The following CYLD variants were observed in gnomAD, a reference collection of about 807,000 sequenced individuals.
CYLD encodes the protein ubiquitin carboxyl-terminal hydrolase CYLD.
In CYLD, 26 loss-of-function variants were observed where a neutral mutation model predicts 104.5. The observed-to-expected ratio is 0.25, with a 90% CI of 0.18 to 0.35. The LOEUF is 0.35. CYLD is among the 10% of genes least tolerant of loss of function. The probability of loss-of-function intolerance (pLI) is 1.00; values close to 1 mark genes in which losing one functional copy is unlikely to be tolerated. For synonymous variants in CYLD, 385 were observed against 399.9 expected (o/e 0.96, Z 0.45); for missense variants, 703 against 1,136.1 (o/e 0.62, Z 5.48).
intron 2 of CYLD, among the ~76,000 whole-genome samples, chr16:50,746,471 T>C (rs1966205322): frequency 6.6e-6 from 1 of 152,264 alleles, no homozygotes; most frequent in African/African-American, 2.4e-5. Flanking sequence ...AAACTTGTTC[T>C]TAATATATTC....
Position 50,793,560 on chromosome 16 carries a change from C to T in CYLD, c.2365C>T (p.Arg789Trp), listed in dbSNP as rs1165672681. The change falls in exon 17 of 19, where the codon CGG (arginine) becomes TGG (tryptophan). Residue 789 changes from arginine (R) to tryptophan (W), a missense_variant. By Grantham distance (101) the Arg-to-Trp change is moderately radical. Coordinates refer to ENST00000427738, the MANE Select transcript of CYLD (RefSeq NM_001378743.1). Reference protein sequence around the residue: ...DLLEDTPRQCRICGGLAMYEC... With the variant: ...DLLEDTPRQCWICGGLAMYEC... The stretch of plus-strand genomic sequence containing the variant: ...TCACATTTCAGCTCCCAGACAGTGC[C>T]GGATATGTGGAGGGCTTGCAATGTA... The T allele has an allele frequency of 6.2e-6, 10 of 1,612,148 alleles. No individual in the cohort carries two copies. Among genetic ancestry groups the T allele is most frequent in the East Asian group, 2.2e-5 (1 of 44,868 alleles).
chr16:50,775,182 T>C lies in CYLD; in HGVS notation c.922+8T>C, dbSNP rs201415355. The C allele has an allele frequency of 2.5e-5, 40 of 1,596,034 alleles. No homozygotes were observed. The highest frequency in any genetic ancestry group is 5.9e-6 in the Non-Finnish European group (7 of 1,177,334). ...GACACACAGCTTTATCAGGTATGAC[T>C]CCTAAGTGTCGTGTTGGACTCCACG... On this transcript the variant is annotated splice_region_variant and intron_variant, in intron 6 of 18. Transcript: ENST00000427738.
chr16:50,752,839 C>G (rs866082048), intron 4 of CYLD, among the ~76,000 whole-genome samples: 2 of 152,206 alleles, frequency 1.3e-5, no homozygotes, highest in Middle Eastern at 6.8e-3. Flanking sequence ...TGGATCCATT[C>G]CAGTGTGGTT....
intron 5 of CYLD, among the ~76,000 whole-genome samples, chr16:50,760,927 A>G (rs1007184057): frequency 1.3e-5 from 2 of 152,192 alleles, no homozygotes; most frequent in African/African-American, 4.8e-5. Flanking sequence ...ACAAGGGGGA[A>G]CTTATAGCTT....
At chr16:50,771,984 A>G (rs888589680) in intron 5 of CYLD, among the ~76,000 whole-genome samples, 9 of 152,192 alleles carry the variant, frequency 5.9e-5, no homozygotes, top group Admixed American at 5.2e-4. Context: ...GCAATCTATT[A>G]AACTAATTCC....
chr16:50,783,980 G>C, intron 11 of CYLD: 1 of 311,026 alleles, frequency 3.2e-6, no homozygotes, highest in Non-Finnish European at 6.2e-6. Context: ...GTCCTCTGTT[G>C]TCTGTTTGTA....
rs1217889365 is a variant in CYLD at position 50,800,897 on chromosome 16, G to A, written c.*4389G>A. The A allele has an allele frequency of 1.3e-5, 3 of 233,288 alleles. No individual in the cohort carries two copies. Among genetic ancestry groups the A allele is most frequent in the Admixed American group, 1.1e-4 (2 of 17,778 alleles). 14.5% of individuals were successfully genotyped at this position (233,288 alleles called of 1,614,324 possible). A position where few individuals can be genotyped will look rare whatever the true frequency, so the allele number is the denominator to read the frequency against. On this transcript the variant is annotated 3_prime_UTR_variant, in exon 19 of 19. Coordinates refer to ENST00000427738, the MANE Select transcript of CYLD (RefSeq NM_001378743.1). Reference sequence around the variant, plus strand: ...GGTGAGGAGTCGGGGAGGAGAAAGCGATGTTAAAATGAAAACTCACTGCAA... The same window carrying A: ...GGTGAGGAGTCGGGGAGGAGAAAGCAATGTTAAAATGAAAACTCACTGCAA...
chr16:50,786,692 G>A (rs993124959), intron 12 of CYLD, 163 bp from the exon 13 acceptor site: 9 of 574,386 alleles, frequency 1.6e-5, no homozygotes, highest in East Asian at 3.0e-5. Flanking sequence ...CCTGGAAGGC[G>A]GAGGTTGCAG....
chr16:50,745,564 T>TC (rs1193814107), intron 2 of CYLD, among the ~76,000 whole-genome samples: 1 of 151,766 alleles, frequency 6.6e-6, no homozygotes, highest in East Asian at 1.9e-4. Flanking sequence ...TCTTTTTTTT[T>TC]CTTCCTTTTG....
chr16:50,742,838 A>G lies in CYLD; in HGVS notation c.-127A>G, dbSNP rs1170830841. The stretch of plus-strand genomic sequence containing the variant: ...TAGTTGAAAGGTGCGCCCTGCTGTG[A>G]CAGGTATTCTTTCTTTATGTTTTTC... On this transcript the variant is annotated 5_prime_UTR_variant, in exon 2 of 19. Transcript: ENST00000427738. The G allele has an allele frequency of 4.3e-5, 14 of 325,120 alleles. No homozygotes were observed. The highest frequency in any genetic ancestry group is 1.1e-5 in the Non-Finnish European group (2 of 184,442). 20.1% of individuals were successfully genotyped at this position (325,120 alleles called of 1,614,324 possible). A position where few individuals can be genotyped will look rare whatever the true frequency, so the allele number is the denominator to read the frequency against.
chr16:50,794,146 T>C lies in CYLD; in HGVS notation c.2470-66T>C, dbSNP rs1971732622. On this transcript the variant is annotated intron_variant, in intron 17 of 18. Coordinates refer to ENST00000427738, the MANE Select transcript of CYLD (RefSeq NM_001378743.1). The surrounding 1 kb of genome is among the most constrained non-coding windows in gnomAD (Gnocchi z 4.1). ...TTTCACCATCTTGATCAGGCTGGTCTTGAACTCCTGACCTCGTGATCCACC... is the reference window on the plus strand; with the variant it reads ...TTTCACCATCTTGATCAGGCTGGTCCTGAACTCCTGACCTCGTGATCCACC... The C allele has an allele frequency of 4.9e-6, 7 of 1,428,928 alleles. No individual in the cohort carries two copies. In the East Asian group the frequency reaches 1.6e-4, roughly 32 times the overall value. The allele number at this position is 1,428,928 out of a possible 1,614,324, so 88.5% of individuals were successfully genotyped here.
chr16:50,766,801 C>G (rs2150956796), intron 5 of CYLD, among the ~76,000 whole-genome samples: 1 of 152,230 alleles, frequency 6.6e-6, no homozygotes, highest in East Asian at 1.9e-4. Flanking sequence ...AGAGGTGGAG[C>G]CTGAAAATGT....
intron 14 of CYLD, among the ~76,000 whole-genome samples, chr16:50,789,288 T>G (rs1158410725): frequency 6.6e-6 from 1 of 152,222 alleles, no homozygotes; most frequent in Admixed American, 6.5e-5. Flanking sequence ...GTAGGAAACC[T>G]AGAAGGCACT....
At chr16:50,767,613 T>A (rs1968661606) in intron 5 of CYLD, among the ~76,000 whole-genome samples, 1 of 152,184 alleles carries the variant, frequency 6.6e-6, no homozygotes, top group Non-Finnish European at 1.5e-5. Flanking sequence ...TGAATGCAAT[T>A]CATTATACTG....
At chr16:50,758,579 G>A (rs1035013932) in intron 5 of CYLD, among the ~76,000 whole-genome samples, 1 of 152,206 alleles carries the variant, frequency 6.6e-6, no homozygotes, top group Admixed American at 6.5e-5. Context: ...CCACGTGAGA[G>A]ACGGTGGTGG....
intron 2 of CYLD, among the ~76,000 whole-genome samples, chr16:50,743,515 T>C (rs1300543946): frequency 6.6e-6 from 1 of 152,354 alleles, no homozygotes; most frequent in East Asian, 1.9e-4. Flanking sequence ...ATAAGGCTTG[T>C]TATATAAAGC....
At chr16:50,770,249 T>C (rs1320214594) in intron 5 of CYLD, among the ~76,000 whole-genome samples, 2 of 152,212 alleles carry the variant, frequency 1.3e-5, no homozygotes, top group Non-Finnish European at 2.9e-5. Flanking sequence ...TACTCTTACT[T>C]TACCACTGGC....
At chr16:50,754,996 T>C (rs1267747737) in intron 5 of CYLD, among the ~76,000 whole-genome samples, 4 of 10,540 alleles carry the variant, frequency 3.8e-4, no homozygotes, top group Non-Finnish European at 6.8e-4. Context: ...TACATATATA[T>C]GTATATATAC....
intron 5 of CYLD, among the ~76,000 whole-genome samples, chr16:50,764,064 C>T (rs978731628): frequency 2.0e-5 from 3 of 152,122 alleles, no homozygotes; most frequent in African/African-American, 7.2e-5. Flanking sequence ...GTAAACCCAA[C>T]CTCCTCATGA....
Sources: gnomAD v4.1 joint callset for allele counts (sites outside exome capture counted in the v4.1 genomes callset) on GRCh38, gnomAD v4.1.1 for gene constraint, Gnocchi (gnomAD v3.1) non-coding constraint, MANE v1.5 for transcripts, NCBI Gene and HGNC (gene_info 2026-07-23, HGNC 2026-07-21) for gene names.